CATSPERB: variants seen among roughly 807,000 people sequenced by gnomAD.
The protein encoded by CATSPERB is catsper channel auxiliary subunit beta.
CATSPERB carries 93 observed loss-of-function variants against 128.3 expected under a neutral mutation model. The ratio of observed to expected loss-of-function variants is 0.72; its 90% CI spans 0.61 to 0.86. The LOEUF is 0.86. CATSPERB is among the 40% of genes least tolerant of loss of function. The probability of loss-of-function intolerance (pLI) is 0.00; values close to 1 mark genes in which losing one functional copy is unlikely to be tolerated. For synonymous variants in CATSPERB, 381 were observed against 448.8 expected, an observed-to-expected ratio of 0.85 and a Z score of 1.91; for missense variants, 1,153 against 1,329.5, an observed-to-expected ratio of 0.87 and a Z score of 2.06.
chr14:91,679,222 T>C (rs1895241093), intron 11 of CATSPERB, among the ~76,000 whole-genome samples: 1 of 152,180 alleles, frequency 6.6e-6, no homozygotes, highest in African/African-American at 2.4e-5. Context: ...AATGTTAACA[T>C]CTGATAAACA....
chr14:91,730,625 C>T (rs1896195563), intron 1 of CATSPERB, among the ~76,000 whole-genome samples: 1 of 152,148 alleles, frequency 6.6e-6, no homozygotes. Flanking sequence ...TAATAAAGTC[C>T]TTCGTCTCTG....
chr14:91,594,337 G>A, intron 22 of CATSPERB, among the ~76,000 whole-genome samples: 1 of 151,970 alleles, frequency 6.6e-6, no homozygotes, highest in South Asian at 2.1e-4. Flanking sequence ...TGGGGTGGGG[G>A]GATGGGGGAG....
rs1221903824 is a variant in CATSPERB, at chr14:91,693,244, T to G, written c.713A>C (p.Glu238Ala). 9 of 1,604,216 alleles carry G rather than the reference T, an allele frequency of 5.6e-6. No homozygotes were observed. The highest frequency in any genetic ancestry group is 7.7e-6 in the Non-Finnish European group (9 of 1,172,264). Reference sequence around the variant, plus strand: ...ATCCACCAATGAAAGGTCTTCATATTCTAAACGAAGAAATCATACCATGGA... The same window carrying G: ...ATCCACCAATGAAAGGTCTTCATATGCTAAACGAAGAAATCATACCATGGA... ...TQTIYSQLQE[E>A]YEDLSLVDMV... is the part of the protein sequence containing the mutation. The change falls in exon 9 of 27, where the codon GAA (glutamate) becomes GCA (alanine). Residue 238 changes from glutamate to alanine, a missense_variant and splice_region_variant. Glu to Ala is a moderately radical substitution (Grantham distance 107). Transcript: ENST00000256343.
chr14:91,604,609 G>A, intron 22 of CATSPERB: 2 of 1,611,058 alleles, frequency 1.2e-6, no homozygotes, highest in Non-Finnish European at 8.5e-7. Context: ...AGAAGGGACT[G>A]TTCCAGGCCT....
At position 91,725,177 on chromosome 14, in the gene CATSPERB, T is replaced by TAA. The variant is rs200048082; in HGVS notation, c.80-11_80-10dup. 1 of 1,396,930 alleles carries TAA rather than the reference T, an allele frequency of 7.2e-7. No individual in the cohort carries two copies. Among genetic ancestry groups the TAA allele is most frequent in the Non-Finnish European group, 9.7e-7 (1 of 1,030,082 alleles). The allele number at this position is 1,396,930 out of a possible 1,614,324, so 86.5% of individuals were successfully genotyped here. On this transcript the variant is annotated splice_polypyrimidine_tract_variant and intron_variant, in intron 2 of 26. Coordinates refer to ENST00000256343, the MANE Select transcript of CATSPERB (RefSeq NM_024764.4). ...GCGTTTCTCTGTATCATCTAAATAATAAAAAAAATACATATATTAGATCAC... is the reference window on the plus strand; with the variant it reads ...GCGTTTCTCTGTATCATCTAAATAATAAAAAAAAAATACATATATTAGATCAC...
chr14:91,635,547 G>A (rs1894358021), intron 17 of CATSPERB: 1 of 151,986 alleles, frequency 6.6e-6, no homozygotes, highest in Admixed American at 6.6e-5. Context: ...TAGTAGAGAT[G>A]GAGTTTCACC....
intron 15 of CATSPERB, among the ~76,000 whole-genome samples, chr14:91,649,240 CTA>C (rs1318844676): frequency 2.6e-5 from 4 of 152,054 alleles, no homozygotes; most frequent in Non-Finnish European, 4.4e-5. Context: ...ACATTTTCTG[CTA>C]TGTCTTTTCT....
intron 5 of CATSPERB, among the ~76,000 whole-genome samples, chr14:91,710,989 G>A (rs958865731): frequency 8.5e-5 from 13 of 152,200 alleles, no homozygotes; most frequent in Non-Finnish European, 1.9e-4. Context: ...CATTCTGGAT[G>A]TAGCATATAC....
chr14:91,716,367 G>A (rs183850552), intron 5 of CATSPERB, among the ~76,000 whole-genome samples: 1 of 152,240 alleles, frequency 6.6e-6, no homozygotes, highest in East Asian at 1.9e-4. Flanking sequence ...GAGGCCAGTG[G>A]ATCACCTGAG....
intron 17 of CATSPERB, among the ~76,000 whole-genome samples, chr14:91,634,855 C>T (rs1259399211): frequency 6.7e-6 from 1 of 149,712 alleles, no homozygotes; most frequent in Non-Finnish European, 1.5e-5. Context: ...TAGAGTCCAC[C>T]ACTTGGAGAC....
At chr14:91,681,030 A>C (rs1012812497) in intron 11 of CATSPERB, among the ~76,000 whole-genome samples, 1 of 152,222 alleles carries the variant, frequency 6.6e-6, no homozygotes, top group Non-Finnish European at 1.5e-5. Context: ...CCCATGCCAG[A>C]AAACGATTAA....
At chr14:91,684,866 C>T (rs961975329) in intron 10 of CATSPERB, among the ~76,000 whole-genome samples, 1 of 152,082 alleles carries the variant, frequency 6.6e-6, no homozygotes. Context: ...ATCCACCCCC[C>T]TCGGCCTCCC....
At chr14:91,692,109 G>A (rs1367414925) in intron 9 of CATSPERB, among the ~76,000 whole-genome samples, 4 of 151,152 alleles carry the variant, frequency 2.6e-5, no homozygotes, top group African/African-American at 7.3e-5. Flanking sequence ...CCTAGGAGGC[G>A]GAGATTGCAG....
At chr14:91,649,852 G>A (rs1447524047) in intron 15 of CATSPERB, among the ~76,000 whole-genome samples, 2 of 151,834 alleles carry the variant, frequency 1.3e-5, no homozygotes, top group Non-Finnish European at 1.5e-5. Flanking sequence ...ATGTGGTTCT[G>A]AGAGACTCTC....
chr14:91,654,332 TTG>T (rs1241973298), intron 15 of CATSPERB, among the ~76,000 whole-genome samples: 2 of 152,152 alleles, frequency 1.3e-5, no homozygotes, highest in Admixed American at 6.5e-5. Flanking sequence ...GACTTGGCTC[TTG>T]TGTGGCATTT....
intron 6 of CATSPERB, among the ~76,000 whole-genome samples, chr14:91,706,065 T>C (rs1895727012): frequency 6.6e-6 from 1 of 152,210 alleles, no homozygotes; most frequent in East Asian, 1.9e-4. Flanking sequence ...AGATAACTGA[T>C]AACCAGTTAT....
chr14:91,698,314 T>C (rs746050318), intron 7 of CATSPERB, among the ~76,000 whole-genome samples: 4 of 152,216 alleles, frequency 2.6e-5, no homozygotes, highest in Admixed American at 6.5e-5. Flanking sequence ...TAAAATCATA[T>C]TGTCGGCAAA....
chr14:91,658,670 C>T (rs184818211), intron 15 of CATSPERB, among the ~76,000 whole-genome samples: 1,298 of 126,404 alleles, frequency 0.01, 23 homozygotes, highest in Middle Eastern at 0.054. Flanking sequence ...AATTTATACA[C>T]CTACTATGTA....
chr14:91,589,832 G>C (rs1299227952), intron 23 of CATSPERB, among the ~76,000 whole-genome samples, 163 bp from the exon 24 acceptor site: 2 of 152,174 alleles, frequency 1.3e-5, no homozygotes, highest in Non-Finnish European at 2.9e-5. Flanking sequence ...TCTTAGAGCA[G>C]AATCAATGTG....
Sources: allele counts gnomAD v4.1 joint callset (sites outside exome capture counted in the v4.1 genomes callset), GRCh38; gene constraint gnomAD v4.1.1; transcripts MANE v1.5; gene names NCBI Gene and HGNC (gene_info 2026-07-23, HGNC 2026-07-21).